The following VWCE variants were observed in gnomAD, a reference collection of about 807,000 sequenced individuals.
The protein encoded by VWCE is von Willebrand factor C and EGF domain-containing protein.
Under a neutral mutation model 102.9 loss-of-function variants are expected in VWCE, and 68 were observed. The observed-to-expected ratio is 0.66, with a 90% CI of 0.54 to 0.81. The LOEUF is 0.81. Among genes scored for constraint, VWCE ranks in the 30% least tolerant of loss-of-function variants. The pLI, the probability that VWCE is intolerant of heterozygous loss-of-function variation, is 0.00. For synonymous variants in VWCE, 497 were observed against 515.4 expected (o/e 0.96, Z 0.48); for missense variants, 1,137 against 1,263.6 (o/e 0.90, Z 1.52).
At position 61,269,236 on chromosome 11, in the gene VWCE, G is replaced by A; in HGVS notation, c.1786-218C>T. The A allele has an allele frequency of 1.3e-5, 7 of 553,340 alleles. No individual in the cohort carries two copies. In the South Asian group the frequency reaches 1.4e-4, roughly 11 times the overall value. 34.3% of individuals were successfully genotyped at this position (553,340 alleles called of 1,614,324 possible). A position where few individuals can be genotyped will look rare whatever the true frequency, so the allele number is the denominator to read the frequency against. On this transcript the variant is annotated intron_variant, in intron 14 of 19. Transcript: ENST00000335613. ...AAGTCTATGCATCTTTAAGGAGAAG[G>A]AAGGTCAGGGTTGGGATTCTGGTCT...
chr11:61,259,126 T>G lies in VWCE; in HGVS notation c.2417A>C (p.Asn806Thr). 2 of 1,614,004 alleles carry G rather than the reference T, an allele frequency of 1.2e-6. No individual in the cohort carries two copies. The highest frequency in any genetic ancestry group is 1.7e-6 in the Non-Finnish European group (2 of 1,179,978). ...AGGTAAAGTCTGTGTTTTCATCAAGTTCGTTCTTAAAAGGAGCTGGAGGAG... is the reference window on the plus strand; with the variant it reads ...AGGTAAAGTCTGTGTTTTCATCAAGGTCGTTCTTAAAAGGAGCTGGAGGAG... ...LHLLQLLLRT[N>T]LMKTQTLPTS... The change falls in exon 20 of 20, where the codon AAC (asparagine) becomes ACC (threonine). Residue 806 changes from asparagine to threonine, a missense_variant. Asn to Thr is a moderately conservative substitution (Grantham distance 65, BLOSUM62 0). Transcript: ENST00000335613.
rs758763086 is a variant in VWCE, at chr11:61,258,767, A to G, written c.2776T>C (p.Ser926Pro). ...LGPRVLSPTT[S>P]RLSTALAATT... ...GCTGCAAGGGCTGTGGAGAGTCTAG[A>G]GGTGGTGGGAGAAAGCACGCGAGGC... Residue 926 changes from serine to proline, a missense_variant, in exon 20 of 20, where the codon TCT (serine) becomes CCT (proline). This residue lies in a region of VWCE where 316 missense variants were observed against 319.3 expected (regional missense o/e 0.99). Transcript: ENST00000335613. 10 of 1,488,072 alleles carry G rather than the reference A, an allele frequency of 6.7e-6. No homozygotes were observed. Among genetic ancestry groups the G allele is most frequent in the Non-Finnish European group, 8.9e-6 (10 of 1,120,166 alleles). 92.2% of individuals were successfully genotyped at this position (1,488,072 alleles called of 1,614,324 possible). A position where few individuals can be genotyped will look rare whatever the true frequency, so the allele number is the denominator to read the frequency against.
At chr11:61,273,148 T>C (rs1360599855) in intron 13 of VWCE, 51 bp downstream of exon 13, 2 of 1,576,216 alleles carry the variant, frequency 1.3e-6, no homozygotes, top group Admixed American at 1.7e-5. Flanking sequence ...AAGCTCAGCC[T>C]CTCTCCCCAG....
intron 14 of VWCE, among the ~76,000 whole-genome samples, chr11:61,270,394 G>A (rs1854649364): frequency 6.6e-6 from 1 of 152,176 alleles, no homozygotes; most frequent in Non-Finnish European, 1.5e-5. Context: ...AGGTGCAAGG[G>A]ACCTCATTTT....
At chr11:61,275,887 T>C (rs770097666) in intron 11 of VWCE, among the ~76,000 whole-genome samples, 5 of 152,136 alleles carry the variant, frequency 3.3e-5, no homozygotes, top group Admixed American at 6.5e-5. Flanking sequence ...GGACTGAAAC[T>C]CCATCCTGCC....
chr11:61,280,031 A>C (rs1855066112), intron 9 of VWCE, among the ~76,000 whole-genome samples: 1 of 152,186 alleles, frequency 6.6e-6, no homozygotes, highest in Non-Finnish European at 1.5e-5. Context: ...CCAGCCAAGA[A>C]TCTGCATTTT....
chr11:61,262,202 C>T (rs1854381820), intron 19 of VWCE, among the ~76,000 whole-genome samples: 2 of 152,206 alleles, frequency 1.3e-5, no homozygotes, highest in African/African-American at 4.8e-5. Context: ...GATCCACCCA[C>T]ATCAGCCTCC....
At position 61,274,562 on chromosome 11, in the gene VWCE, C is replaced by A. The variant is rs148581850; in HGVS notation, c.1518G>T (p.Arg506=). 458 of 1,613,952 alleles carry A rather than the reference C, an allele frequency of 2.8e-4. No homozygotes were observed. Among genetic ancestry groups the A allele is most frequent in the Middle Eastern group, 8.3e-4 (5 of 6,060 alleles). The change falls in exon 12 of 20, where the codon CGG becomes CGT. Residue 506 remains arginine, a synonymous_variant. Coordinates refer to ENST00000335613, the MANE Select transcript of VWCE (RefSeq NM_152718.2). ...TGAACACAGCCCCGTCTGCGTACCA[C>A]CGGCCGTGGAAATAGCATCTCACTG... is the stretch of plus-strand genomic sequence containing the variant. ...CVPVRCYFHG[R]WYADGAVFSG...
chr11:61,265,407 C>T (rs1261439444), intron 16 of VWCE, among the ~76,000 whole-genome samples, 195 bp from the exon 17 acceptor site: 1 of 152,046 alleles, frequency 6.6e-6, no homozygotes, highest in African/African-American at 2.4e-5. Flanking sequence ...TCAAGCCCCT[C>T]GAAGGTAAGA....
chr11:61,268,960 A>T lies in VWCE; in HGVS notation c.1844T>A (p.Ile615Asn). 1 of 1,614,116 alleles carries T rather than the reference A, an allele frequency of 6.2e-7. No homozygotes were observed. The highest frequency in any genetic ancestry group is 8.5e-7 in the Non-Finnish European group (1 of 1,180,028). The change falls in exon 15 of 20, where the codon ATC becomes AAC. Residue 615 changes from isoleucine (I) to asparagine (N), a missense_variant. Ile to Asn is a moderately radical substitution (Grantham distance 149, BLOSUM62 -3). Transcript: ENST00000335613. ...TDCVDSCPHP[I>N]RIPGQCCPDC... ...TGGGCAGCACTGTCCAGGGATCCGG[A>T]TCGGGTGAGGGCAGGAGTCCACACA...
chr11:61,279,592 A>T (rs988358332), intron 9 of VWCE, among the ~76,000 whole-genome samples: 1 of 152,102 alleles, frequency 6.6e-6, no homozygotes, highest in Non-Finnish European at 1.5e-5. Context: ...AAACAAAAAA[A>T]AACCAGTGCA....
intron 5 of VWCE, among the ~76,000 whole-genome samples, chr11:61,284,548 T>C (rs947569360): frequency 2.0e-5 from 3 of 152,184 alleles, no homozygotes; most frequent in African/African-American, 7.2e-5. Flanking sequence ...GCCAATGTAA[T>C]GGCATTTGGA....
intron 13 of VWCE, among the ~76,000 whole-genome samples, chr11:61,272,248 TCACA>T (rs1289852878): frequency 1.3e-5 from 2 of 149,046 alleles, no homozygotes; most frequent in Non-Finnish European, 3.0e-5. Context: ...CAGATACAAC[TCACA>T]CAGACACACA....
chr11:61,293,068 C>A (rs1332409213), intron 1 of VWCE, among the ~76,000 whole-genome samples: 4 of 151,858 alleles, frequency 2.6e-5, no homozygotes, highest in African/African-American at 9.7e-5. Flanking sequence ...ATGGAGAAAC[C>A]CCGACTCTAC....
At chr11:61,288,155 C>CA (rs397978316) in intron 4 of VWCE, among the ~76,000 whole-genome samples, 2,798 of 35,988 alleles carry the variant, frequency 0.078, 367 homozygotes, top group African/African-American at 0.17. Context: ...GACTCTGTCT[C>CA]AAAAAAAAAA....
intron 4 of VWCE, among the ~76,000 whole-genome samples, chr11:61,286,667 G>A (rs548357344): frequency 3.9e-5 from 6 of 152,118 alleles, no homozygotes; most frequent in Non-Finnish European, 7.4e-5. Flanking sequence ...CAGGCATGGT[G>A]GTGCATGCCT....
chr11:61,276,003 T>C (rs1355403650), intron 11 of VWCE, among the ~76,000 whole-genome samples: 1 of 152,206 alleles, frequency 6.6e-6, no homozygotes, highest in Non-Finnish European at 1.5e-5. Flanking sequence ...CACTTTGAAA[T>C]GCTTCACTTG....
chr11:61,291,188 C>G, intron 3 of VWCE, 76 bp downstream of exon 3: 2 of 1,390,512 alleles, frequency 1.4e-6, no homozygotes, highest in Non-Finnish European at 1.9e-6. Flanking sequence ...GGACACATCT[C>G]AAGTGCCCAC....
At chr11:61,284,087 G>A (rs557553799) in intron 5 of VWCE, among the ~76,000 whole-genome samples, 1 of 152,240 alleles carries the variant, frequency 6.6e-6, no homozygotes, top group East Asian at 1.9e-4. Flanking sequence ...ACTCTGGCTG[G>A]GTGCAGTGGC....
Sources: gnomAD v4.1 joint callset for allele counts (sites outside exome capture counted in the v4.1 genomes callset) on GRCh38, gnomAD v4.1.1 for gene constraint, gnomAD v4.1.1 regional missense constraint, MANE v1.5 for transcripts, NCBI Gene and HGNC (gene_info 2026-07-23, HGNC 2026-07-21) for gene names.